The following SLC2A1 variants were observed in gnomAD, a reference collection of about 807,000 sequenced individuals.
The protein encoded by SLC2A1 is solute carrier family 2, facilitated glucose transporter member 1.
A neutral mutation model predicts 46.6 loss-of-function variants in SLC2A1; 4 were observed. The ratio of observed to expected loss-of-function variants is 0.09; its 90% CI spans 0.04 to 0.20. SLC2A1 has a LOEUF of 0.20. Among genes scored for constraint, SLC2A1 ranks in the 10% least tolerant of loss-of-function variants. The pLI is 1.00. For missense variants in SLC2A1, 352 were observed against 667.0 expected (o/e 0.53, Z 5.20); for synonymous variants, 253 against 270.0 (o/e 0.94, Z 0.62).
chr1:42,926,958 T>G lies in SLC2A1; in HGVS notation c.*83A>C. Reference sequence around the variant, plus strand: ...CCGGCTCGGCTGACATCTGTCAGGTTTGGAAGTCTCATCCAGCTGCCTGTG... The same window carrying G: ...CCGGCTCGGCTGACATCTGTCAGGTGTGGAAGTCTCATCCAGCTGCCTGTG... On this transcript the variant is annotated 3_prime_UTR_variant, in exon 10 of 10. Coordinates refer to ENST00000426263, the MANE Select transcript of SLC2A1 (RefSeq NM_006516.4). The G allele has an allele frequency of 6.4e-7, 1 of 1,570,892 alleles. No homozygotes were observed. Among genetic ancestry groups the G allele is most frequent in the South Asian group, 1.2e-5 (1 of 84,984 alleles).
At chr1:42,938,601 C>A (rs921495143) in intron 2 of SLC2A1, among the ~76,000 whole-genome samples, 4 of 152,218 alleles carry the variant, frequency 2.6e-5, no homozygotes, top group Non-Finnish European at 4.4e-5. Context: ...CAAGAGTAGG[C>A]AAACTGTGGC....
chr1:42,956,761 G>T lies in SLC2A1; in HGVS notation c.18+1873C>A, dbSNP rs1284020785. ...GCTGGCACAAGGGGCCACCTTTGAAGATAGGCAAACTCTCTCCCTTCTGCC... is the reference window on the plus strand; with the variant it reads ...GCTGGCACAAGGGGCCACCTTTGAATATAGGCAAACTCTCTCCCTTCTGCC... On this transcript the variant is annotated intron_variant, in intron 1 of 9. Transcript: ENST00000426263. 3.3e-5 allele frequency among the ~76,000 whole-genome samples: 5 copies of T among 152,208 alleles called. No homozygotes were observed. The East Asian group carries it at 9.6e-4, about 29-fold the overall frequency.
At chr1:42,952,690 G>A (rs774753093) in intron 1 of SLC2A1, 1 of 201,322 alleles carries the variant, frequency 5.0e-6, no homozygotes, top group Admixed American at 5.9e-5. Flanking sequence ...ACGCAGCAGG[G>A]AGCTGAAGGC....
intron 2 of SLC2A1, among the ~76,000 whole-genome samples, chr1:42,942,413 T>TA (rs781675953): frequency 2.6e-5 from 4 of 151,948 alleles, no homozygotes; most frequent in Non-Finnish European, 5.9e-5. Flanking sequence ...TCCTACCCCC[T>TA]ACCCCCTTTT....
chr1:42,934,036 A>G (rs1271482555), intron 2 of SLC2A1, among the ~76,000 whole-genome samples: 1 of 152,220 alleles, frequency 6.6e-6, no homozygotes, highest in Non-Finnish European at 1.5e-5. Flanking sequence ...AAGTCAGCAA[A>G]TGGAATTTGT....
rs980000275 is a variant in SLC2A1 at position 42,941,679 on chromosome 1, C to T, written c.114+1547G>A. On this transcript the variant is annotated intron_variant, in intron 2 of 9. Transcript: ENST00000426263. ...GACCAATTAAATCAGAATCTGGGGG[C>T]GTTCTGGAAACCCCAATGTGCAACC... is the stretch of plus-strand genomic sequence containing the variant. 5.3e-5 allele frequency among the ~76,000 whole-genome samples: 8 copies of T among 152,288 alleles called. No individual in the cohort carries two copies. In the South Asian group the frequency reaches 8.3e-4, roughly 16 times the overall value.
intron 1 of SLC2A1, among the ~76,000 whole-genome samples, chr1:42,955,229 C>A (rs376530170): frequency 2.6e-5 from 4 of 152,296 alleles, no homozygotes; most frequent in Admixed American, 1.3e-4. Context: ...GGGACAGAGA[C>A]GTACATTCTT....
At chr1:42,948,655 G>A (rs760832108) in intron 1 of SLC2A1, among the ~76,000 whole-genome samples, 11 of 152,104 alleles carry the variant, frequency 7.2e-5, no homozygotes, top group African/African-American at 1.9e-4. Context: ...AAGGCTGGGC[G>A]CGGTGGCTTA....
intron 1 of SLC2A1, among the ~76,000 whole-genome samples, chr1:42,956,344 C>CT (rs1487734640): frequency 6.9e-6 from 1 of 144,960 alleles, no homozygotes; most frequent in African/African-American, 2.6e-5. Flanking sequence ...GGCAGATCAT[C>CT]TGAGGTCGGG....
chr1:42,944,893 C>T (rs561513912), intron 1 of SLC2A1, among the ~76,000 whole-genome samples: 5 of 152,252 alleles, frequency 3.3e-5, no homozygotes, highest in African/African-American at 4.8e-5. Context: ...GCCCCCACCC[C>T]CCGTATGTCC....
At chr1:42,942,610 A>G (rs573672767) in intron 2 of SLC2A1, among the ~76,000 whole-genome samples, 1 of 151,830 alleles carries the variant, frequency 6.6e-6, no homozygotes, top group African/African-American at 2.4e-5. Flanking sequence ...TTTGACTGCC[A>G]CAGGGCCTTC....
intron 2 of SLC2A1, among the ~76,000 whole-genome samples, chr1:42,941,230 C>A (rs910617588): frequency 2.6e-5 from 4 of 152,182 alleles, no homozygotes; most frequent in African/African-American, 9.7e-5. Context: ...TCCCTATTGT[C>A]CTCATCCTGA....
intron 1 of SLC2A1, 149 bp from the exon 2 acceptor site, chr1:42,943,470 C>G: frequency 1.4e-6 from 1 of 726,396 alleles, no homozygotes; most frequent in East Asian, 2.7e-5. Flanking sequence ...TGGCCAATTC[C>G]TGACCTTAGG....
intron 1 of SLC2A1, among the ~76,000 whole-genome samples, chr1:42,943,665 C>A (rs148208914): frequency 2.9e-4 from 44 of 152,248 alleles, no homozygotes; most frequent in African/African-American, 1.1e-3. Context: ...GACTCTCTGA[C>A]TGGGAGGCCC....
rs140142774 is a variant in SLC2A1 at position 42,940,902 on chromosome 1, C to T, written c.114+2324G>A. On this transcript the variant is annotated intron_variant, in intron 2 of 9. Transcript: ENST00000426263. The stretch of plus-strand genomic sequence containing the variant: ...CCTGCACATCTCCAGCTGTGTCACC[C>T]CACGCCTCCATTCCTGCACATCCCA... Among the ~76,000 whole-genome samples, 191 of 152,294 alleles carry T rather than the reference C, an allele frequency of 1.3e-3. 1 individual carries two copies. Among genetic ancestry groups the T allele is most frequent in the African/African-American group, 4.3e-3 (177 of 41,568 alleles).
rs994328470 is a variant in SLC2A1, at chr1:42,930,962, C to T, written c.275+84G>A. The T allele has an allele frequency of 1.1e-5, 17 of 1,607,096 alleles. No homozygotes were observed. Among genetic ancestry groups the T allele is most frequent in the Admixed American group, 1.7e-5 (1 of 59,358 alleles). On this transcript the variant is annotated intron_variant, in intron 3 of 9. Transcript: ENST00000426263. The surrounding 1 kb of genome is among the most constrained non-coding windows in gnomAD (Gnocchi z 6.2). ...TACCCTGGAACAGGCAGATAAGTCT[C>T]CCCTACCTCCCACCCCATCTGGGAC...
chr1:42,943,970 G>A (rs1011443060), intron 1 of SLC2A1, among the ~76,000 whole-genome samples: 3 of 152,162 alleles, frequency 2.0e-5, no homozygotes, highest in African/African-American at 7.2e-5. Context: ...GCCCTGAGAG[G>A]GTGAGGCAAG....
At chr1:42,941,341 T>C (rs1643595994) in intron 2 of SLC2A1, among the ~76,000 whole-genome samples, 1 of 152,172 alleles carries the variant, frequency 6.6e-6, no homozygotes, top group Non-Finnish European at 1.5e-5. Context: ...GGCTCTTGCC[T>C]ACCTTACCTT....
At chr1:42,936,331 C>G (rs1402419922) in intron 2 of SLC2A1, among the ~76,000 whole-genome samples, 2 of 152,190 alleles carry the variant, frequency 1.3e-5, no homozygotes, top group Non-Finnish European at 2.9e-5. Context: ...GGCCTTCACC[C>G]CTGTTCCTTG....
Sources: gnomAD v4.1 joint callset for allele counts (sites outside exome capture counted in the v4.1 genomes callset) on GRCh38, gnomAD v4.1.1 for gene constraint, Gnocchi (gnomAD v3.1) non-coding constraint, MANE v1.5 for transcripts, NCBI Gene and HGNC (gene_info 2026-07-23, HGNC 2026-07-21) for gene names.